Variants in SLC6A9 observed in about 807,000 individuals in gnomAD.
The protein encoded by SLC6A9 is sodium- and chloride-dependent glycine transporter 1.
Under a neutral mutation model 70.9 loss-of-function variants are expected in SLC6A9, and 31 were observed. That is an observed-to-expected ratio of 0.44 (90% CI 0.33 to 0.59). The LOEUF is 0.59. Among genes scored for constraint, SLC6A9 ranks in the 20% least tolerant of loss-of-function variants. The probability of loss-of-function intolerance (pLI) is 0.04; values close to 1 mark genes in which losing one functional copy is unlikely to be tolerated. For synonymous variants in SLC6A9, 310 were observed against 341.3 expected (o/e 0.91, Z 1.01); for missense variants, 631 against 845.2 (o/e 0.75, Z 3.14).
Position 44,018,894 on chromosome 1 carries a change from C to T in SLC6A9, c.30+5354G>A, listed in dbSNP as rs2154307065. Among the ~76,000 whole-genome samples, 1 of 152,224 alleles carries T rather than the reference C, an allele frequency of 6.6e-6. No homozygotes were observed. The highest frequency in any genetic ancestry group is 1.5e-5 in the Non-Finnish European group (1 of 68,014). ...GTAGTGAGCTATGATCACACCACTG[C>T]ACTCCAAACTGGGTGACAAAGTGAG... On this transcript the variant is annotated intron_variant, in intron 2 of 13. Transcript: ENST00000372310. This position sits in a 1 kb window ranked among gnomAD's most constrained non-coding sequence, Gnocchi z 4.2.
chr1:43,997,519 T>TG lies in SLC6A9; in HGVS notation c.*25dup, dbSNP rs769945362. The stretch of plus-strand genomic sequence containing the variant: ...CTGCGGTGGGAGCACGGGGTGGGGG[T>TG]GGGGCCACTCCCCTGGCAGCTGTGC... On this transcript the variant is annotated 3_prime_UTR_variant, in exon 14 of 14. Transcript: ENST00000372310. This position sits in a 1 kb window ranked among gnomAD's most constrained non-coding sequence, Gnocchi z 4.4. The TG allele has an allele frequency of 5.1e-6, 8 of 1,568,598 alleles. No individual in the cohort carries two copies. The highest frequency in any genetic ancestry group is 2.2e-5 in the South Asian group (2 of 89,938).
rs763799676 is a variant in SLC6A9 at position 43,997,920 on chromosome 1, C to T, written c.1642G>A (p.Val548Ile). 4.5e-5 allele frequency: 72 copies of T among 1,613,948 alleles called. No homozygotes were observed. The highest frequency in any genetic ancestry group is 3.2e-4 in the South Asian group (29 of 91,084). The change falls in exon 13 of 14, where the codon GTC becomes ATC. Residue 548 changes from valine (V) to isoleucine (I), a missense_variant. Coordinates refer to ENST00000372310, the MANE Select transcript of SLC6A9 (RefSeq NM_001024845.3). The surrounding 1 kb of genome is among the most constrained non-coding windows in gnomAD (Gnocchi z 4.4). ...AIGFLMALSSVLCIPLYAMFR... is the reference protein window; with the variant it reads ...AIGFLMALSSILCIPLYAMFR... ...ATGGCGTAGAGGGGGATGCAGAGGACGGAGGACAGAGCCATGAGGAAGCCA... is the reference window on the plus strand; with the variant it reads ...ATGGCGTAGAGGGGGATGCAGAGGATGGAGGACAGAGCCATGAGGAAGCCA...
intron 1 of SLC6A9, among the ~76,000 whole-genome samples, chr1:44,026,638 G>C (rs1221014192): frequency 6.6e-6 from 1 of 150,934 alleles, no homozygotes; most frequent in African/African-American, 2.4e-5. Flanking sequence ...CAGCCTGGGC[G>C]ACAGAGCAAG....
chr1:44,013,508 C>T lies in SLC6A9; in HGVS notation c.31-2626G>A, dbSNP rs971135510. ...CGCGACAGGGCTGAACCGGGGTTGG[C>T]GACGGGGCTCTGGCAGGAAGTTTCT... On this transcript the variant is annotated intron_variant, in intron 2 of 13. Coordinates refer to ENST00000372310, the MANE Select transcript of SLC6A9 (RefSeq NM_001024845.3). This position sits in a 1 kb window ranked among gnomAD's most constrained non-coding sequence, Gnocchi z 5.3. Among the ~76,000 whole-genome samples, 5 of 152,212 alleles carry T rather than the reference C, an allele frequency of 3.3e-5. No homozygotes were observed. The highest frequency in any genetic ancestry group is 2.6e-4 in the Admixed American group (4 of 15,286).
At chr1:44,009,123 T>C (rs2086447878) in intron 4 of SLC6A9, among the ~76,000 whole-genome samples, 1 of 147,992 alleles carries the variant, frequency 6.8e-6, no homozygotes, top group Non-Finnish European at 1.5e-5. Flanking sequence ...GCCTCCCAGG[T>C]TCAAGCGATT....
intron 12 of SLC6A9, among the ~76,000 whole-genome samples, chr1:43,999,748 G>A (rs979781579): frequency 2.4e-4 from 37 of 152,114 alleles, no homozygotes; most frequent in African/African-American, 7.0e-4. Context: ...GGGGAAGTCT[G>A]GTGCTGAGCC....
In SLC6A9 at chr1:43,998,113, G is replaced by T. The variant is rs1395518718; in HGVS notation, c.1537-88C>A. 3 of 1,292,596 alleles carry T rather than the reference G, an allele frequency of 2.3e-6. No individual in the cohort carries two copies. The African/African-American group carries it at 4.5e-5, about 19-fold the overall frequency. The allele number at this position is 1,292,596 out of a possible 1,614,324, so 80.1% of individuals were successfully genotyped here. A position where few individuals can be genotyped will look rare whatever the true frequency, so the allele number is the denominator to read the frequency against. On this transcript the variant is annotated intron_variant, in intron 12 of 13. Transcript: ENST00000372310. ...CCTCTACCAGCACCCTTTCCTCTCT[G>T]GTTTCCCAAACTAGAAAAGGGCATT...
chr1:44,000,168 G>A (rs1198431645), intron 12 of SLC6A9, among the ~76,000 whole-genome samples: 1 of 152,232 alleles, frequency 6.6e-6, no homozygotes, highest in Non-Finnish European at 1.5e-5. Context: ...TGGGAATGGT[G>A]TGTGGAAAGT....
In SLC6A9 at chr1:44,010,870, G is replaced by A; in HGVS notation, c.43C>T (p.Pro15Ser). 1 of 1,614,196 alleles carries A rather than the reference G, an allele frequency of 6.2e-7. No homozygotes were observed. Among genetic ancestry groups the A allele is most frequent in the Non-Finnish European group, 8.5e-7 (1 of 1,180,014 alleles). The change falls in exon 3 of 14, where the codon CCC (proline) becomes TCC (serine). Residue 15 changes from proline (P) to serine (S), a missense_variant. Physicochemically the swap from Pro to Ser is moderately conservative, Grantham distance 74 (BLOSUM62 -1). Coordinates refer to ENST00000372310, the MANE Select transcript of SLC6A9 (RefSeq NM_001024845.3). ...TGGTCCCTCTTGGTGGCCTCGCTGG[G>A]CACAGCACCATTCTGTGGGGACAGG... is the stretch of plus-strand genomic sequence containing the variant. ...GAKGMLNGAV[P>S]SEATKRDQNL...
chr1:44,006,371 T>C (rs949768497), intron 5 of SLC6A9, among the ~76,000 whole-genome samples: 1 of 152,000 alleles, frequency 6.6e-6, no homozygotes, highest in Non-Finnish European at 1.5e-5. Flanking sequence ...GTGGATCACC[T>C]GAGGTCAGGA....
rs772045656 is a variant in SLC6A9, at chr1:44,008,523, G to A, written c.420C>T (p.His140=). Residue 140 remains histidine, a synonymous_variant, in exon 5 of 14, where the codon CAC becomes CAT. Coordinates refer to ENST00000372310, the MANE Select transcript of SLC6A9 (RefSeq NM_001024845.3). ...TATTGCAGTAGGCCCAGGGCAGCAC[G>A]TGCGTCATGGACGAGAAGAAGTAGT... is the stretch of plus-strand genomic sequence containing the variant. ...AFYYFFSSMT[H]VLPWAYCNNP... 13 of 1,614,026 alleles carry A rather than the reference G, an allele frequency of 8.1e-6. No individual in the cohort carries two copies. Among genetic ancestry groups the A allele is most frequent in the Middle Eastern group, 1.6e-4 (1 of 6,084 alleles).
intron 5 of SLC6A9, among the ~76,000 whole-genome samples, chr1:44,005,190 G>A (rs1557675446): frequency 6.6e-6 from 1 of 152,202 alleles, no homozygotes; most frequent in Non-Finnish European, 1.5e-5. Context: ...TGAAGACCCT[G>A]GGGGACAGGA....
intron 5 of SLC6A9, among the ~76,000 whole-genome samples, chr1:44,007,617 C>T (rs776548274): frequency 8.5e-5 from 13 of 152,220 alleles, no homozygotes; most frequent in Non-Finnish European, 1.6e-4. Context: ...CTGGCAAGTT[C>T]TTTATGAAGG....
chr1:44,014,142 C>G (rs968316102), intron 2 of SLC6A9, among the ~76,000 whole-genome samples: 3 of 152,108 alleles, frequency 2.0e-5, no homozygotes, highest in Admixed American at 6.5e-5. Context: ...CCATCTGCCC[C>G]CCTCTGCTCA....
At chr1:44,025,885 A>AG (rs571509602) in intron 1 of SLC6A9, among the ~76,000 whole-genome samples, 175 of 151,428 alleles carry the variant, frequency 1.2e-3, no homozygotes, top group African/African-American at 3.9e-3. Flanking sequence ...TTGCCTTCCC[A>AG]GGGAGTCAAC....
intron 3 of SLC6A9, chr1:44,010,459 G>T (rs1043026025): frequency 6.8e-5 from 10 of 147,610 alleles, no homozygotes; most frequent in East Asian, 1.7e-4. Flanking sequence ...TTGTGGGCGG[G>T]GGGGGGGGGG....
At position 44,018,548 on chromosome 1, in the gene SLC6A9, C is replaced by T. The variant is rs1240416371; in HGVS notation, c.30+5700G>A. On this transcript the variant is annotated intron_variant, in intron 2 of 13. Transcript: ENST00000372310. This position sits in a 1 kb window ranked among gnomAD's most constrained non-coding sequence, Gnocchi z 4.2. ...GGTGGAGGTTGCAGTGAGCCGAGAT[C>T]GCGCCATTGCATTCCAGCCTGGGCA... is the stretch of plus-strand genomic sequence containing the variant. Among the ~76,000 whole-genome samples the T allele has an allele frequency of 2.0e-5, 3 of 151,302 alleles. No individual in the cohort carries two copies. Among genetic ancestry groups the T allele is most frequent in the Admixed American group, 6.6e-5 (1 of 15,188 alleles).
At chr1:44,017,336 T>C in intron 2 of SLC6A9, 1 of 1,398,516 alleles carries the variant, frequency 7.2e-7, no homozygotes, top group Non-Finnish European at 9.2e-7. Flanking sequence ...GTTTGTTGTG[T>C]TTTTCCCTTG....
chr1:44,010,902 G>T lies in SLC6A9; in HGVS notation c.31-20C>A. 1 of 1,613,744 alleles carries T rather than the reference G, an allele frequency of 6.2e-7. No individual in the cohort carries two copies. The highest frequency in any genetic ancestry group is 8.5e-7 in the Non-Finnish European group (1 of 1,179,758). ...ACCATTCTGTGGGGACAGGAGAGAA[G>T]CTACCATCAGCAAGGCATTTGTGCT... On this transcript the variant is annotated intron_variant, in intron 2 of 13. Transcript: ENST00000372310.
Sources: gnomAD v4.1 joint callset for allele counts (sites outside exome capture counted in the v4.1 genomes callset) on GRCh38, gnomAD v4.1.1 for gene constraint, Gnocchi (gnomAD v3.1) non-coding constraint, MANE v1.5 for transcripts, NCBI Gene and HGNC (gene_info 2026-07-23, HGNC 2026-07-21) for gene names.